Variants in IL6ST observed in about 807,000 individuals in gnomAD.
IL6ST encodes the protein interleukin-6 receptor subunit beta.
Under a neutral mutation model 91.3 loss-of-function variants are expected in IL6ST, and 24 were observed. The ratio of observed to expected loss-of-function variants is 0.26; its 90% CI spans 0.19 to 0.37. The LOEUF is 0.37. Among genes scored for constraint, IL6ST ranks in the 10% least tolerant of loss-of-function variants. IL6ST has a pLI of 1.00. For missense variants in IL6ST, 914 were observed against 1,078.5 expected (o/e 0.85, Z 2.14); for synonymous variants, 351 against 373.6 (o/e 0.94, Z 0.70).
intron 1 of IL6ST, among the ~76,000 whole-genome samples, chr5:55,991,803 T>C (rs1754346397): frequency 5.3e-5 from 8 of 151,972 alleles, no homozygotes; most frequent in Admixed American, 5.2e-4. Context: ...CTACTATACT[T>C]CTAGAGAGAA....
rs1026275572 is a variant in IL6ST, at chr5:55,939,643, T to C, written c.*1439A>G. The C allele has an allele frequency of 1.5e-5, 3 of 205,870 alleles. No individual in the cohort carries two copies. The highest frequency in any genetic ancestry group is 2.3e-5 in the African/African-American group (1 of 43,870). The allele number at this position is 205,870 out of a possible 1,614,324, so 12.8% of individuals were successfully genotyped here. ...AGCAGTAGTCAATCACTAATAACGC[T>C]TGCTAATTTCCTCTTACTTTCTAAG... On this transcript the variant is annotated 3_prime_UTR_variant, in exon 17 of 17. Coordinates refer to ENST00000381298, the MANE Select transcript of IL6ST (RefSeq NM_002184.4).
At position 55,941,910 on chromosome 5, in the gene IL6ST, A is replaced by G. The variant is rs185228173; in HGVS notation, c.2020-91T>C. 6 of 1,086,880 alleles carry G rather than the reference A, an allele frequency of 5.5e-6. No individual in the cohort carries two copies. The Admixed American group carries it at 1.4e-4, about 25-fold the overall frequency. 67.3% of individuals were successfully genotyped at this position (1,086,880 alleles called of 1,614,324 possible). A position where few individuals can be genotyped will look rare whatever the true frequency, so the allele number is the denominator to read the frequency against. On this transcript the variant is annotated intron_variant, in intron 16 of 16. Transcript: ENST00000381298. ...AAACTTCCCAGTAACTCTCAGTGGT[A>G]CAGAAATAACCTGTATTATGTCACT...
At chr5:55,974,619 G>A (rs1333718079) in intron 3 of IL6ST, among the ~76,000 whole-genome samples, 1 of 152,104 alleles carries the variant, frequency 6.6e-6, no homozygotes, top group Non-Finnish European at 1.5e-5. Context: ...TGAGTAGTGG[G>A]GATTACAGGC....
intron 3 of IL6ST, among the ~76,000 whole-genome samples, chr5:55,973,648 G>A (rs1477660690): frequency 6.6e-6 from 1 of 152,188 alleles, no homozygotes; most frequent in African/African-American, 2.4e-5. Context: ...CCCAGACATT[G>A]TACAGCAAAG....
At chr5:55,978,102 C>T (rs1024203124) in intron 2 of IL6ST, 1 of 152,166 alleles carries the variant, frequency 6.6e-6, no homozygotes, top group African/African-American at 2.4e-5. Context: ...AGTCAGCCTA[C>T]CACAGTGTCA....
rs1379293285 is a variant in IL6ST, at chr5:55,940,289, A to ATGCT, written c.*789_*792dup. On this transcript the variant is annotated 3_prime_UTR_variant, in exon 17 of 17. Transcript: ENST00000381298. The stretch of plus-strand genomic sequence containing the variant: ...GCCTTTAAAAATGGCAATTTTTTAG[A>ATGCT]TGCTTGAGATAGTTTGGGGGATCCC... 1 of 213,370 alleles carries ATGCT rather than the reference A, an allele frequency of 4.7e-6. No individual in the cohort carries two copies. Among genetic ancestry groups the ATGCT allele is most frequent in the African/African-American group, 2.3e-5 (1 of 44,218 alleles). The allele number at this position is 213,370 out of a possible 1,614,324, so 13.2% of individuals were successfully genotyped here.
intron 7 of IL6ST, among the ~76,000 whole-genome samples, chr5:55,960,816 T>G (rs916274770): frequency 6.6e-6 from 1 of 151,936 alleles, no homozygotes; most frequent in Non-Finnish European, 1.5e-5. Context: ...TTTTTTAGTA[T>G]CAACAAGATT....
intron 7 of IL6ST, 36 bp from the exon 8 acceptor site, chr5:55,960,597 A>G: frequency 6.3e-7 from 1 of 1,582,892 alleles, no homozygotes; most frequent in African/African-American, 1.4e-5. Context: ...GAAAACCTCA[A>G]TTAGTAAGGT....
intron 14 of IL6ST, 55 bp from the exon 15 acceptor site, chr5:55,947,644 A>G: frequency 9.9e-7 from 1 of 1,010,492 alleles, no homozygotes; most frequent in Admixed American, 2.3e-5. Flanking sequence ...TAATGTTGAC[A>G]TATGAACTAA....
intron 5 of IL6ST, among the ~76,000 whole-genome samples, chr5:55,967,660 T>C (rs1246362145): frequency 3.3e-5 from 5 of 152,152 alleles, no homozygotes; most frequent in Admixed American, 2.0e-4. Flanking sequence ...GGATGAAATA[T>C]GATGCCCGCG....
At position 55,947,490 on chromosome 5, in the gene IL6ST, T is replaced by C. The variant is rs763358762; in HGVS notation, c.1937+3A>G. On this transcript the variant is annotated splice_donor_region_variant and intron_variant, in intron 15 of 16. Coordinates refer to ENST00000381298, the MANE Select transcript of IL6ST (RefSeq NM_002184.4). ...ATGCAAAAATATGAATAAAGTTACT[T>C]ACAGGTCTCGCTTATTAAAGCAGAA... is the stretch of plus-strand genomic sequence containing the variant. 6.6e-7 allele frequency: 1 copy of C among 1,507,684 alleles called. No individual in the cohort carries two copies. The highest frequency in any genetic ancestry group is 9.0e-7 in the Non-Finnish European group (1 of 1,106,090). The allele number at this position is 1,507,684 out of a possible 1,614,324, so 93.4% of individuals were successfully genotyped here.
intron 14 of IL6ST, 33 bp downstream of exon 14, chr5:55,951,430 GA>G: frequency 6.4e-7 from 1 of 1,559,892 alleles, no homozygotes; most frequent in Non-Finnish European, 8.8e-7. Flanking sequence ...CTAAGTTTGA[GA>G]AAGAAAAAAA....
chr5:55,951,765 C>T (rs1369968877), intron 13 of IL6ST, 161 bp from the exon 14 acceptor site: 3 of 806,322 alleles, frequency 3.7e-6, no homozygotes, highest in Non-Finnish European at 5.7e-6. Flanking sequence ...AAGCACAACA[C>T]AATACTTTTT....
At chr5:55,942,336 T>C (rs892854042) in intron 16 of IL6ST, among the ~76,000 whole-genome samples, 2 of 152,184 alleles carry the variant, frequency 1.3e-5, no homozygotes, top group African/African-American at 4.8e-5. Context: ...CCCAAAATGC[T>C]TGAGGTAGTT....
chr5:55,968,207 A>G, intron 5 of IL6ST, 69 bp downstream of exon 5: 2 of 1,282,900 alleles, frequency 1.6e-6, no homozygotes, highest in Non-Finnish European at 2.2e-6. Flanking sequence ...TTACTTGGTA[A>G]AATAAAAATT....
chr5:55,993,040 A>G (rs934567054), intron 1 of IL6ST, among the ~76,000 whole-genome samples: 3 of 152,204 alleles, frequency 2.0e-5, no homozygotes, highest in African/African-American at 7.2e-5. Flanking sequence ...AACTCTGATC[A>G]TTCTGCCTTT....
chr5:55,968,290 A>T lies in IL6ST; in HGVS notation c.477T>A (p.Thr159=), dbSNP rs1373862452. The T allele has an allele frequency of 6.3e-7, 1 of 1,590,316 alleles. No homozygotes were observed. The highest frequency in any genetic ancestry group is 8.5e-7 in the Non-Finnish European group (1 of 1,171,956). ...GRETHLETNF[T]LKSEWATHKF... ...AAATAACGTACCATTCAGATTTTAA[A>T]GTGAAGTTTGTCTCCAAGTGTGTTT... Residue 159 remains threonine (T), a synonymous_variant, in exon 5 of 17, where the codon ACT becomes ACA. Coordinates refer to ENST00000381298, the MANE Select transcript of IL6ST (RefSeq NM_002184.4).
rs946511243 is a variant in IL6ST, at chr5:55,988,966, A to T, written c.-104+5818T>A. Reference sequence around the variant, plus strand: ...TCTCTATAAAAAATAAAAAAAAAATAAAAAAAAAAATCAGCCGGGCATGGT... The same window carrying T: ...TCTCTATAAAAAATAAAAAAAAAATTAAAAAAAAAATCAGCCGGGCATGGT... On this transcript the variant is annotated intron_variant, in intron 1 of 16. Coordinates refer to ENST00000381298, the MANE Select transcript of IL6ST (RefSeq NM_002184.4). Among the ~76,000 whole-genome samples, 7 of 143,738 alleles carry T rather than the reference A, an allele frequency of 4.9e-5. No individual in the cohort carries two copies. The South Asian group carries it at 6.5e-4, about 13-fold the overall frequency. The allele number at this position is 143,738 out of a possible 152,430, so 94.3% of individuals were successfully genotyped here. A position where few individuals can be genotyped will look rare whatever the true frequency, so the allele number is the denominator to read the frequency against.
chr5:55,969,912 A>T (rs1024953423), intron 3 of IL6ST, 57 bp from the exon 4 acceptor site: 6 of 1,167,542 alleles, frequency 5.1e-6, no homozygotes, highest in Middle Eastern at 2.2e-4. Context: ...GTACAAAATG[A>T]TATCTAGCTG....
Sources: gnomAD v4.1 joint callset for allele counts (sites outside exome capture counted in the v4.1 genomes callset) on GRCh38, gnomAD v4.1.1 for gene constraint, MANE v1.5 for transcripts, NCBI Gene and HGNC (gene_info 2026-07-23, HGNC 2026-07-21) for gene names.